The following RFX3 variants were observed in gnomAD, a reference collection of about 807,000 sequenced individuals.
RFX3 encodes the protein transcription factor RFX3.
A neutral mutation model predicts 98.6 loss-of-function variants in RFX3; 14 were observed. The observed-to-expected ratio is 0.14, with a 90% CI of 0.09 to 0.22. RFX3 has a LOEUF of 0.22. RFX3 is among the 10% of genes least tolerant of loss of function. The pLI is 1.00. For synonymous variants in RFX3, 383 were observed against 328.4 expected (o/e 1.17, Z -1.80); for missense variants, 639 against 926.9 (o/e 0.69, Z 4.03).
At chr9:3,499,091 CCTAA>C (rs1448260012) in intron 1 of RFX3, among the ~76,000 whole-genome samples, 12 of 152,076 alleles carry the variant, frequency 7.9e-5, no homozygotes, top group South Asian at 2.1e-4. Context: ...CCTCAGAATC[CCTAA>C]CTAATTTGGT....
intron 1 of RFX3, among the ~76,000 whole-genome samples, chr9:3,467,047 T>A (rs1001452139): frequency 1.4e-5 from 2 of 143,392 alleles, no homozygotes; most frequent in East Asian, 2.0e-4. Flanking sequence ...TATATATATA[T>A]GTATATACAT....
At chr9:3,483,271 T>C (rs946318608) in intron 1 of RFX3, among the ~76,000 whole-genome samples, 2 of 152,152 alleles carry the variant, frequency 1.3e-5, no homozygotes, top group African/African-American at 4.8e-5. Flanking sequence ...GTGATTCTAA[T>C]GCCATTTTGG....
chr9:3,297,272 A>G (rs996490293), intron 5 of RFX3, among the ~76,000 whole-genome samples: 1 of 152,128 alleles, frequency 6.6e-6, no homozygotes, highest in African/African-American at 2.4e-5. Flanking sequence ...GCTGACTTCA[A>G]AAGCCCATAA....
chr9:3,298,425 T>C (rs746651424), intron 5 of RFX3, among the ~76,000 whole-genome samples: 4 of 151,844 alleles, frequency 2.6e-5, no homozygotes, highest in Non-Finnish European at 5.9e-5. Context: ...ATCCTAGAAT[T>C]CCTAAATAAT....
chr9:3,251,986 T>G (rs977526979), intron 14 of RFX3, among the ~76,000 whole-genome samples: 9 of 152,076 alleles, frequency 5.9e-5, no homozygotes, highest in Middle Eastern at 3.2e-3. Context: ...GTAGCTGGGA[T>G]TACAAACATG....
intron 1 of RFX3, among the ~76,000 whole-genome samples, chr9:3,443,078 G>A (rs1845739503): frequency 1.3e-5 from 2 of 151,992 alleles, no homozygotes; most frequent in African/African-American, 4.8e-5. Context: ...CACTCAAGAA[G>A]ATATAAAGTG....
chr9:3,329,838 T>C (rs2991315), intron 4 of RFX3, among the ~76,000 whole-genome samples: 26,778 of 152,148 alleles, frequency 0.18, 2,433 homozygotes, highest in Middle Eastern at 0.22. Flanking sequence ...TGAGCTAGCA[T>C]AAATATTATT....
At chr9:3,465,252 G>A (rs558537910) in intron 1 of RFX3, among the ~76,000 whole-genome samples, 1 of 151,738 alleles carries the variant, frequency 6.6e-6, no homozygotes, top group African/African-American at 2.4e-5. Context: ...CTAATATCTC[G>A]TGGCAAATAT....
chr9:3,378,841 C>G (rs1314849990), intron 2 of RFX3, among the ~76,000 whole-genome samples: 12 of 152,144 alleles, frequency 7.9e-5, no homozygotes. Context: ...CAGGCGTGAA[C>G]TACCATGCCC....
chr9:3,405,069 A>T (rs1350453584), intron 1 of RFX3, among the ~76,000 whole-genome samples: 2 of 152,200 alleles, frequency 1.3e-5, no homozygotes, highest in Non-Finnish European at 2.9e-5. Context: ...TTACACTTGA[A>T]ATTAATGACA....
At chr9:3,301,942 G>C (rs1192355522) in intron 4 of RFX3, among the ~76,000 whole-genome samples, 1 of 151,794 alleles carries the variant, frequency 6.6e-6, no homozygotes, top group South Asian at 2.1e-4. Context: ...CATAGTTCAG[G>C]ATATGGGATA....
rs556257085 is a variant in RFX3 at position 3,468,115 on chromosome 9, T to C, written c.-9+57632A>G. ...TACAGACATGTGAAAATGGGTATTT[T>C]CCATGAAAGATAACTCAATTTAGGG... On this transcript the variant is annotated intron_variant, in intron 1 of 16. Coordinates refer to ENST00000617270, the MANE Select transcript of RFX3 (RefSeq NM_001282116.2). Among the ~76,000 whole-genome samples the C allele has an allele frequency of 3.0e-4, 45 of 152,286 alleles. 1 individual carries two copies. The highest frequency in any genetic ancestry group is 6.8e-3 in the Middle Eastern group (2 of 294).
intron 2 of RFX3, among the ~76,000 whole-genome samples, chr9:3,393,540 G>C (rs1335891442): frequency 6.8e-6 from 1 of 146,950 alleles, no homozygotes; most frequent in Admixed American, 6.7e-5. Context: ...CCTTTAAAAA[G>C]ATAACTGTTA....
chr9:3,374,263 T>C (rs1268157829), intron 2 of RFX3, among the ~76,000 whole-genome samples: 10 of 152,190 alleles, frequency 6.6e-5, no homozygotes, highest in Non-Finnish European at 1.3e-4. Context: ...GAAAACAGTA[T>C]AGCAGCTCCT....
intron 1 of RFX3, among the ~76,000 whole-genome samples, chr9:3,437,905 G>A (rs1411883052): frequency 6.6e-6 from 1 of 151,792 alleles, no homozygotes; most frequent in African/African-American, 2.4e-5. Flanking sequence ...TATTCTACCA[G>A]GCCTTCTATA....
chr9:3,479,081 C>T (rs1346162213), intron 1 of RFX3, among the ~76,000 whole-genome samples: 3 of 152,120 alleles, frequency 2.0e-5, no homozygotes, highest in Non-Finnish European at 2.9e-5. Context: ...TGCAATACTG[C>T]CAGCTTTTAG....
At chr9:3,524,835 ACACACACACACACAC>A (rs1819066567) in intron 1 of RFX3, among the ~76,000 whole-genome samples, 3 of 58,734 alleles carry the variant, frequency 5.1e-5, no homozygotes, top group African/African-American at 4.1e-4. Flanking sequence ...AAGCACACAC[ACACACACACACACAC>A]ACACACACAC....
At chr9:3,234,487 A>G (rs1474601974) in intron 15 of RFX3, among the ~76,000 whole-genome samples, 1 of 152,156 alleles carries the variant, frequency 6.6e-6, no homozygotes, top group Admixed American at 6.5e-5. Context: ...AAAAATACAA[A>G]AAAGTTAGCT....
At chr9:3,255,687 C>G (rs542023151) in intron 14 of RFX3, among the ~76,000 whole-genome samples, 2 of 152,308 alleles carry the variant, frequency 1.3e-5, no homozygotes, top group South Asian at 4.1e-4. Flanking sequence ...AGACACTGAC[C>G]TACAAAGGTC....
Sources: gnomAD v4.1 joint callset for allele counts (sites outside exome capture counted in the v4.1 genomes callset) on GRCh38, gnomAD v4.1.1 for gene constraint, MANE v1.5 for transcripts, NCBI Gene and HGNC (gene_info 2026-07-23, HGNC 2026-07-21) for gene names.